The following ARHGAP44 variants were observed in gnomAD, a reference collection of about 807,000 sequenced individuals.
ARHGAP44 encodes the protein rho GTPase-activating protein 44.
ARHGAP44 carries 43 observed loss-of-function variants against 106.8 expected under a neutral mutation model. That is an observed-to-expected ratio of 0.40 (90% CI 0.32 to 0.52). The LOEUF is 0.52. Among genes scored for constraint, ARHGAP44 ranks in the 20% least tolerant of loss-of-function variants. The pLI, the probability that ARHGAP44 is intolerant of heterozygous loss-of-function variation, is 0.48. For synonymous variants in ARHGAP44, 439 were observed against 410.3 expected (o/e 1.07, Z -0.85); for missense variants, 866 against 1,050.5 (o/e 0.82, Z 2.43).
At chr17:12,954,064 T>TG (rs2039065409) in intron 13 of ARHGAP44, among the ~76,000 whole-genome samples, 1 of 143,936 alleles carries the variant, frequency 6.9e-6, no homozygotes, top group Non-Finnish European at 1.5e-5. Flanking sequence ...ATTTTTGTGT[T>TG]TTTTTTTTTT....
At chr17:12,973,973 G>A (rs952881790) in intron 17 of ARHGAP44, 116 bp from the exon 18 acceptor site, 5 of 1,114,592 alleles carry the variant, frequency 4.5e-6, no homozygotes, top group Non-Finnish European at 6.6e-6. Flanking sequence ...GGCCCCCGGG[G>A]TGCTAAAGCT....
At position 12,965,169 on chromosome 17, in the gene ARHGAP44, C is replaced by T. The variant is rs183834433; in HGVS notation, c.1523+6272C>T. The stretch of plus-strand genomic sequence containing the variant: ...ACCCCATCAAAACGTCCTTGGATCC[C>T]GATGGGCCGGCGATCTGCCACGGAG... On this transcript the variant is annotated intron_variant, in intron 16 of 20. Coordinates refer to ENST00000379672, the MANE Select transcript of ARHGAP44 (RefSeq NM_014859.6). Among the ~76,000 whole-genome samples, 13 of 152,242 alleles carry T rather than the reference C, an allele frequency of 8.5e-5. No homozygotes were observed. In the East Asian group the frequency reaches 1.2e-3, roughly 14 times the overall value.
At chr17:12,794,314 A>T (rs1195614888) in intron 1 of ARHGAP44, among the ~76,000 whole-genome samples, 2 of 152,056 alleles carry the variant, frequency 1.3e-5, no homozygotes, top group African/African-American at 4.8e-5. Flanking sequence ...CAGTCTGCAC[A>T]GTGGGTTCAC....
At chr17:12,903,652 G>A (rs1209577757) in intron 3 of ARHGAP44, among the ~76,000 whole-genome samples, 1 of 152,106 alleles carries the variant, frequency 6.6e-6, no homozygotes, top group Non-Finnish European at 1.5e-5. Flanking sequence ...GGTTACATGA[G>A]TAAGTTCTTT....
chr17:12,956,609 C>T (rs2143152478), intron 14 of ARHGAP44, 46 bp from the exon 15 acceptor site: 2 of 1,565,370 alleles, frequency 1.3e-6, no homozygotes, highest in Non-Finnish European at 1.8e-6. Flanking sequence ...CAAAGCTTGC[C>T]TCAGCTGCTA....
At chr17:12,969,288 CTT>C (rs1209613994) in intron 16 of ARHGAP44, among the ~76,000 whole-genome samples, 3 of 152,164 alleles carry the variant, frequency 2.0e-5, no homozygotes, top group Non-Finnish European at 4.4e-5. Context: ...CATTCTCTTT[CTT>C]TCTCTGAGGA....
chr17:12,990,287 C>CCAA lies in ARHGAP44; in HGVS notation c.*119_*121dup, dbSNP rs2040096284. 4 of 1,353,514 alleles carry CCAA rather than the reference C, an allele frequency of 3.0e-6. No homozygotes were observed. Among genetic ancestry groups the CCAA allele is most frequent in the Middle Eastern group, 5.4e-4 (2 of 3,676 alleles). 83.8% of individuals were successfully genotyped at this position (1,353,514 alleles called of 1,614,324 possible). Reference sequence around the variant, plus strand: ...CTCTGCTGGCTCTTTCCTGCCACTGCCAACACGAGGTTGGAATTTGGCAGA... The same window carrying CCAA: ...CTCTGCTGGCTCTTTCCTGCCACTGCCAACAACACGAGGTTGGAATTTGGCAGA... On this transcript the variant is annotated 3_prime_UTR_variant, in exon 21 of 21. Coordinates refer to ENST00000379672, the MANE Select transcript of ARHGAP44 (RefSeq NM_014859.6).
chr17:12,920,685 A>T lies in ARHGAP44; in HGVS notation c.464+854A>T, dbSNP rs185629183. Reference sequence around the variant, plus strand: ...GTAGGATGGTTGCTATGTCCTGTCCATTACAGGAAATTTCGCATTTTGGAG... The same window carrying T: ...GTAGGATGGTTGCTATGTCCTGTCCTTTACAGGAAATTTCGCATTTTGGAG... On this transcript the variant is annotated intron_variant, in intron 6 of 20. Coordinates refer to ENST00000379672, the MANE Select transcript of ARHGAP44 (RefSeq NM_014859.6). Among the ~76,000 whole-genome samples the T allele has an allele frequency of 2.0e-3, 308 of 152,296 alleles. 2 individuals are homozygous for T. Among genetic ancestry groups the T allele is most frequent in the African/African-American group, 7.2e-3 (300 of 41,564 alleles).
chr17:12,895,991 AC>A (rs1259529358), intron 2 of ARHGAP44, among the ~76,000 whole-genome samples: 1 of 151,962 alleles, frequency 6.6e-6, no homozygotes, highest in African/African-American at 2.4e-5. Flanking sequence ...TTCTGAGCAA[AC>A]TATTGCAAGG....
intron 7 of ARHGAP44, among the ~76,000 whole-genome samples, chr17:12,939,380 A>G (rs1010321078): frequency 6.6e-6 from 1 of 152,198 alleles, no homozygotes; most frequent in African/African-American, 2.4e-5. Context: ...TGGAAATTCA[A>G]TACTAAACCT....
intron 1 of ARHGAP44, among the ~76,000 whole-genome samples, chr17:12,814,174 T>C (rs1413098747): frequency 6.7e-6 from 1 of 150,206 alleles, no homozygotes; most frequent in African/African-American, 2.5e-5. Flanking sequence ...CCTTGGGTGG[T>C]GGGGGGCCTG....
chr17:12,832,937 G>T (rs574325174), intron 1 of ARHGAP44, among the ~76,000 whole-genome samples: 8 of 152,184 alleles, frequency 5.3e-5, no homozygotes, highest in Non-Finnish European at 1.0e-4. Flanking sequence ...TCTGCTAGAA[G>T]CCCAACCTGG....
chr17:12,984,960 T>C (rs2039924490), intron 20 of ARHGAP44, 52 bp downstream of exon 20: 2 of 1,545,404 alleles, frequency 1.3e-6, no homozygotes, highest in Admixed American at 1.9e-5. Flanking sequence ...TAGTGAAATG[T>C]GCCTAGGGGA....
intron 1 of ARHGAP44, among the ~76,000 whole-genome samples, chr17:12,813,866 G>A (rs1225539515): frequency 6.6e-6 from 1 of 152,036 alleles, no homozygotes; most frequent in Non-Finnish European, 1.5e-5. Context: ...CCTGGCTCAC[G>A]GTGAGTACCA....
At chr17:12,817,402 C>T (rs1260407886) in intron 1 of ARHGAP44, among the ~76,000 whole-genome samples, 3 of 151,388 alleles carry the variant, frequency 2.0e-5, no homozygotes. Context: ...TACTATATAC[C>T]CACAAAAATT....
chr17:12,849,046 C>G, intron 1 of ARHGAP44, among the ~76,000 whole-genome samples: 1 of 127,228 alleles, frequency 7.9e-6, no homozygotes, highest in Admixed American at 7.3e-5. Flanking sequence ...AAAACTCCAT[C>G]TCAAAAAAAA....
At chr17:12,948,715 A>AACACACATACACACACACACACAC (rs1555562024) in intron 10 of ARHGAP44, among the ~76,000 whole-genome samples, 1 of 37,048 alleles carries the variant, frequency 2.7e-5, no homozygotes, top group African/African-American at 1.8e-4. Context: ...GGTTCCTCCC[A>AACACACATACACACACACACACAC]ACACACATAC....
intron 3 of ARHGAP44, among the ~76,000 whole-genome samples, chr17:12,905,890 G>C (rs905574478): frequency 2.0e-5 from 3 of 152,190 alleles, no homozygotes; most frequent in Non-Finnish European, 4.4e-5. Context: ...CATCTTCACT[G>C]ACTTGTCACT....
At chr17:12,941,877 G>A (rs185624125) in intron 8 of ARHGAP44, among the ~76,000 whole-genome samples, 28 of 152,266 alleles carry the variant, frequency 1.8e-4, no homozygotes, top group African/African-American at 6.0e-4. Flanking sequence ...ATGCTCACCT[G>A]CCTTTAAAGT....
Sources: allele counts gnomAD v4.1 joint callset (sites outside exome capture counted in the v4.1 genomes callset), GRCh38; gene constraint gnomAD v4.1.1; transcripts MANE v1.5; gene names NCBI Gene and HGNC (gene_info 2026-07-23, HGNC 2026-07-21).